THSD4: variants seen among roughly 807,000 people sequenced by gnomAD.
The protein encoded by THSD4 is thrombospondin type 1 domain containing 4, also known as thrombospondin type-1 domain-containing protein 4.
THSD4 carries 69 observed loss-of-function variants against 119.0 expected under a neutral mutation model. The ratio of observed to expected loss-of-function variants is 0.58; its 90% CI spans 0.48 to 0.71. The LOEUF is 0.71. THSD4 is among the 30% of genes least tolerant of loss of function. The pLI is 0.00. For missense variants in THSD4, 1,393 were observed against 1,391.1 expected (o/e 1.00, Z -0.02); for synonymous variants, 524 against 540.4 (o/e 0.97, Z 0.42).
intron 7 of THSD4, among the ~76,000 whole-genome samples, chr15:71,604,319 T>G (rs1886972037): frequency 6.6e-6 from 1 of 152,214 alleles, no homozygotes; most frequent in Admixed American, 6.5e-5. Flanking sequence ...CACTAGAAAT[T>G]CAATGCATTT....
intron 6 of THSD4, among the ~76,000 whole-genome samples, chr15:71,362,583 A>C (rs2045905904): frequency 6.6e-6 from 1 of 152,228 alleles, no homozygotes; most frequent in South Asian, 2.1e-4. Flanking sequence ...CAAAATGTTA[A>C]AGTGAGTTAA....
At chr15:71,520,779 C>T (rs1398348339) in intron 7 of THSD4, among the ~76,000 whole-genome samples, 1 of 152,084 alleles carries the variant, frequency 6.6e-6, no homozygotes, top group Non-Finnish European at 1.5e-5. Context: ...ACGTCATTTG[C>T]CCAAAGTGCT....
At chr15:71,208,438 G>C (rs1205101287) in intron 3 of THSD4, among the ~76,000 whole-genome samples, 1 of 152,062 alleles carries the variant, frequency 6.6e-6, no homozygotes, top group Non-Finnish European at 1.5e-5. Flanking sequence ...GAGTTAAATG[G>C]GAAGGGGACT....
intron 7 of THSD4, among the ~76,000 whole-genome samples, chr15:71,537,715 A>T (rs1043914291): frequency 1.3e-5 from 2 of 152,104 alleles, no homozygotes; most frequent in Non-Finnish European, 2.9e-5. Flanking sequence ...GGACAAGTGA[A>T]ATACATTCTC....
chr15:71,243,781 C>CTTTTT (rs34842560), intron 5 of THSD4, among the ~76,000 whole-genome samples: 3 of 104,934 alleles, frequency 2.9e-5, no homozygotes, highest in South Asian at 3.3e-4. Flanking sequence ...GTGCTCAGCA[C>CTTTTT]TTTTTTTTTT....
At chr15:71,228,004 A>G (rs1362559454) in intron 4 of THSD4, among the ~76,000 whole-genome samples, 1 of 152,162 alleles carries the variant, frequency 6.6e-6, no homozygotes, top group Non-Finnish European at 1.5e-5. Context: ...CCTCTGTAGT[A>G]GGTTGAATAA....
At chr15:71,657,643 A>G (rs557746111) in intron 7 of THSD4, among the ~76,000 whole-genome samples, 13 of 152,314 alleles carry the variant, frequency 8.5e-5, no homozygotes, top group South Asian at 6.2e-4. Context: ...TAAGGAAGCT[A>G]TTGATCATGG....
intron 1 of THSD4, among the ~76,000 whole-genome samples, chr15:71,098,207 T>G (rs2040239622): frequency 7.3e-6 from 1 of 136,754 alleles, no homozygotes; most frequent in Admixed American, 7.8e-5. Flanking sequence ...TTTTTTTTTT[T>G]TTTTTTGGGG....
chr15:71,684,417 C>T (rs2051862911), intron 8 of THSD4, among the ~76,000 whole-genome samples: 1 of 151,980 alleles, frequency 6.6e-6, no homozygotes, highest in Non-Finnish European at 1.5e-5. Flanking sequence ...CTAATTTTTA[C>T]TAGCAAGGAA....
At chr15:71,298,827 G>T (rs974025935) in intron 6 of THSD4, among the ~76,000 whole-genome samples, 1 of 152,192 alleles carries the variant, frequency 6.6e-6, no homozygotes, top group Admixed American at 6.5e-5. Context: ...TGCCCAGGCT[G>T]GTCTCGAACT....
At chr15:71,368,497 A>G (rs1340255596) in intron 6 of THSD4, among the ~76,000 whole-genome samples, 2 of 152,174 alleles carry the variant, frequency 1.3e-5, no homozygotes, top group Non-Finnish European at 2.9e-5. Flanking sequence ...TCAGCTTTCC[A>G]CATATGGCTA....
rs140099231 is a variant in THSD4 at position 71,646,962 on chromosome 15, T to G, written c.1153-13568T>G. On this transcript the variant is annotated intron_variant, in intron 7 of 17. Coordinates refer to ENST00000261862, the MANE Select transcript of THSD4 (RefSeq NM_024817.3). Reference sequence around the variant, plus strand: ...GGCCTTTTGAGCCAGAAGAATGACATGATGATAGCTGTGTCTTTGGAAGAT... The same window carrying G: ...GGCCTTTTGAGCCAGAAGAATGACAGGATGATAGCTGTGTCTTTGGAAGAT... Among the ~76,000 whole-genome samples, 11 of 152,266 alleles carry G rather than the reference T, an allele frequency of 7.2e-5. No homozygotes were observed. In the East Asian group the frequency reaches 1.7e-3, roughly 24 times the overall value.
rs1406343830 is a variant in THSD4, at chr15:71,777,216, T to C, written c.2915-16T>C. 6.2e-7 allele frequency: 1 copy of C among 1,614,190 alleles called. No homozygotes were observed. Among genetic ancestry groups the C allele is most frequent in the Admixed American group, 1.7e-5 (1 of 60,026 alleles). ...TTGTGCTCAGGGAGTCTTCTGTTCA[T>C]TCTCTTTCGCTACAGATGAAAACTG... On this transcript the variant is annotated splice_polypyrimidine_tract_variant and intron_variant, in intron 17 of 17. Coordinates refer to ENST00000261862, the MANE Select transcript of THSD4 (RefSeq NM_024817.3).
intron 2 of THSD4, among the ~76,000 whole-genome samples, chr15:71,143,488 C>T (rs189751861): frequency 3.3e-5 from 5 of 151,708 alleles, no homozygotes; most frequent in South Asian, 2.1e-4. Context: ...TGAACTTATT[C>T]GAAAAGGGCA....
At chr15:71,252,585 G>A (rs2044271748) in intron 5 of THSD4, among the ~76,000 whole-genome samples, 1 of 152,088 alleles carries the variant, frequency 6.6e-6, no homozygotes, top group Admixed American at 6.5e-5. Flanking sequence ...TCTTGTCTGG[G>A]GACCCATCAC....
At chr15:71,234,273 C>T (rs2044084223) in intron 4 of THSD4, among the ~76,000 whole-genome samples, 1 of 152,232 alleles carries the variant, frequency 6.6e-6, no homozygotes, top group Admixed American at 6.5e-5. Flanking sequence ...CAGGCCACTG[C>T]ATTCTGTCCT....
At chr15:71,541,007 G>T (rs2048752806) in intron 7 of THSD4, among the ~76,000 whole-genome samples, 1 of 152,190 alleles carries the variant, frequency 6.6e-6, no homozygotes, top group African/African-American at 2.4e-5. Flanking sequence ...ACCAGCGTGA[G>T]CCACTGCGCC....
intron 3 of THSD4, among the ~76,000 whole-genome samples, chr15:71,214,629 C>T (rs1260958525): frequency 1.3e-5 from 2 of 152,224 alleles, no homozygotes; most frequent in African/African-American, 2.4e-5. Context: ...GGCTCTAAAG[C>T]GGTGGCCTCT....
chr15:71,303,721 C>G (rs1333707975), intron 6 of THSD4, among the ~76,000 whole-genome samples: 1 of 152,084 alleles, frequency 6.6e-6, no homozygotes, highest in African/African-American at 2.4e-5. Flanking sequence ...CATCTTGGGT[C>G]CTTGGAAGGA....
Sources: gnomAD v4.1 joint callset for allele counts (sites outside exome capture counted in the v4.1 genomes callset) on GRCh38, gnomAD v4.1.1 for gene constraint, MANE v1.5 for transcripts, NCBI Gene and HGNC (gene_info 2026-07-23, HGNC 2026-07-21) for gene names.